Variants in COG4 observed in about 807,000 individuals in gnomAD.
COG4 encodes the protein conserved oligomeric Golgi complex subunit 4.
In COG4, 65 loss-of-function variants were observed where a neutral mutation model predicts 95.1. That is an observed-to-expected ratio of 0.68 (90% CI 0.56 to 0.84). The LOEUF (loss-of-function observed/expected upper bound fraction) is 0.84. Ranked by LOEUF, COG4 falls within the 40% of genes least tolerant of loss-of-function variation. The pLI is 0.00. For missense variants in COG4, 1,045 were observed against 989.1 expected, an observed-to-expected ratio of 1.06 and a Z score of -0.76; for synonymous variants, 421 against 374.8, an observed-to-expected ratio of 1.12 and a Z score of -1.42.
chr16:70,481,183 GT>G (rs1567719075), intron 18 of COG4, 39 bp from the exon 19 acceptor site: 1 of 1,613,034 alleles, frequency 6.2e-7, no homozygotes, highest in East Asian at 2.2e-5. Context: ...GCAAGGTGGG[GT>G]TATTCTGAAA....
intron 4 of COG4, among the ~76,000 whole-genome samples, chr16:70,513,974 A>C (rs2049767151): frequency 5.9e-5 from 9 of 152,166 alleles, no homozygotes; most frequent in Admixed American, 5.9e-4. Flanking sequence ...TTGGGAGGCC[A>C]AGGCGGGCAG....
At chr16:70,506,352 G>A (rs923822928) in intron 8 of COG4, among the ~76,000 whole-genome samples, 7 of 151,662 alleles carry the variant, frequency 4.6e-5, no homozygotes, top group Non-Finnish European at 8.8e-5. Flanking sequence ...GCAGGGAGCC[G>A]AGATCGTGCC....
intron 4 of COG4, among the ~76,000 whole-genome samples, chr16:70,513,805 G>C (rs898524240): frequency 2.6e-5 from 4 of 152,178 alleles, no homozygotes; most frequent in Non-Finnish European, 4.4e-5. Flanking sequence ...AATAACTGAA[G>C]CTGCAGGTAA....
chr16:70,510,393 G>A (rs2049675911), intron 5 of COG4, among the ~76,000 whole-genome samples: 1 of 152,218 alleles, frequency 6.6e-6, no homozygotes, highest in Non-Finnish European at 1.5e-5. Flanking sequence ...CACAGTCATA[G>A]TTCACTGTGG....
At chr16:70,516,047 C>T (rs11862417) in intron 3 of COG4, 7,971 of 455,826 alleles carry the variant, frequency 0.017, 563 homozygotes, top group African/African-American at 0.14. Flanking sequence ...GTTTCTACCA[C>T]GAAAGGATAT....
intron 7 of COG4, 146 bp downstream of exon 7, chr16:70,509,085 G>A: frequency 1.0e-6 from 1 of 992,538 alleles, no homozygotes; most frequent in Non-Finnish European, 1.6e-6. Flanking sequence ...CTGTCAATGG[G>A]CAAGATGCAG....
At chr16:70,484,843 G>C (rs1486136821) in intron 13 of COG4, among the ~76,000 whole-genome samples, 1 of 152,108 alleles carries the variant, frequency 6.6e-6, no homozygotes, top group Non-Finnish European at 1.5e-5. Flanking sequence ...AGGTTGCAGA[G>C]AGCTATGACT....
At chr16:70,515,370 AACTC>A (rs2049799822) in intron 3 of COG4, among the ~76,000 whole-genome samples, 1 of 152,060 alleles carries the variant, frequency 6.6e-6, no homozygotes, top group East Asian at 1.9e-4. Context: ...TACAGCCACC[AACTC>A]ACTATTAAGG....
At position 70,519,066 on chromosome 16, in the gene COG4, C is replaced by T. The variant is rs1162693662; in HGVS notation, c.254+583G>A. Among the ~76,000 whole-genome samples, 6 of 151,748 alleles carry T rather than the reference C, an allele frequency of 4.0e-5. No homozygotes were observed. In the East Asian group the frequency reaches 9.6e-4, roughly 24 times the overall value. ...TCAAAACACATCTTCCTGGACCCCA[C>T]CCCTAGACTTTCTGATTTTGTAAGT... On this transcript the variant is annotated intron_variant, in intron 2 of 18. Transcript: ENST00000323786.
intron 1 of COG4, among the ~76,000 whole-genome samples, chr16:70,519,983 C>T (rs2049901023): frequency 6.6e-6 from 1 of 152,152 alleles, no homozygotes; most frequent in Admixed American, 6.5e-5. Context: ...GTATCATTAG[C>T]ATAGTGCCTA....
intron 12 of COG4, among the ~76,000 whole-genome samples, chr16:70,495,104 A>G (rs904167258): frequency 3.3e-5 from 5 of 151,998 alleles, no homozygotes; most frequent in African/African-American, 1.2e-4. Context: ...TTTTAAGAAT[A>G]TGATAACCAG....
At chr16:70,522,286 C>T (rs1348395395) in intron 1 of COG4, among the ~76,000 whole-genome samples, 2 of 152,126 alleles carry the variant, frequency 1.3e-5, no homozygotes, top group African/African-American at 4.8e-5. Context: ...TGAGCCACCG[C>T]GCCCCGCAAG....
At chr16:70,512,137 T>C in intron 5 of COG4, 102 bp downstream of exon 5, 1 of 1,115,470 alleles carries the variant, frequency 9.0e-7, no homozygotes, top group Middle Eastern at 2.8e-4. Flanking sequence ...GGGAGTCATA[T>C]CCAGAAGAGA....
At chr16:70,511,160 T>C (rs968898646) in intron 5 of COG4, among the ~76,000 whole-genome samples, 9 of 152,222 alleles carry the variant, frequency 5.9e-5, no homozygotes, top group African/African-American at 2.2e-4. Context: ...GTGGTTCTTC[T>C]TCTAACCTGT....
At chr16:70,510,796 G>A (rs896207384) in intron 5 of COG4, among the ~76,000 whole-genome samples, 23 of 146,120 alleles carry the variant, frequency 1.6e-4, no homozygotes, top group Non-Finnish European at 2.7e-4. Flanking sequence ...ATGGAATTTC[G>A]CTGGTCGCCC....
chr16:70,503,608 T>C (rs200914897), intron 8 of COG4, among the ~76,000 whole-genome samples: 3 of 98,892 alleles, frequency 3.0e-5, no homozygotes, highest in Non-Finnish European at 5.3e-5. Context: ...TTTTTTTTTT[T>C]TTTTGAGACG....
chr16:70,520,909 G>T (rs1474534147), intron 1 of COG4, among the ~76,000 whole-genome samples: 2 of 152,134 alleles, frequency 1.3e-5, no homozygotes, highest in Non-Finnish European at 2.9e-5. Context: ...CACACAAAGT[G>T]CTTAACATGG....
chr16:70,523,236 G>A (rs2049991255), intron 1 of COG4, 137 bp downstream of exon 1: 2 of 1,061,900 alleles, frequency 1.9e-6, no homozygotes, highest in African/African-American at 1.6e-5. Context: ...TCATATACCC[G>A]ACTAGCTTCC....
intron 3 of COG4, among the ~76,000 whole-genome samples, chr16:70,517,097 C>T (rs2049837498): frequency 6.6e-6 from 1 of 151,792 alleles, no homozygotes; most frequent in South Asian, 2.1e-4. Context: ...TGGGGTTTTC[C>T]CATGTTGCCC....
Sources: allele counts gnomAD v4.1 joint callset (sites outside exome capture counted in the v4.1 genomes callset), GRCh38; gene constraint gnomAD v4.1.1; transcripts MANE v1.5; gene names NCBI Gene and HGNC (gene_info 2026-07-23, HGNC 2026-07-21).